Variants in BRINP1 observed in about 807,000 individuals in gnomAD.
BRINP1 encodes the protein BMP/retinoic acid inducible neural specific 1, also known as BMP/retinoic acid-inducible neural-specific protein 1.
A neutral mutation model predicts 72.9 loss-of-function variants in BRINP1; 17 were observed. That is an observed-to-expected ratio of 0.23 (90% CI 0.16 to 0.35). The LOEUF is 0.35. Ranked by LOEUF, BRINP1 falls within the 10% of genes least tolerant of loss-of-function variation. BRINP1 has a pLI of 1.00. For synonymous variants in BRINP1, 418 were observed against 378.5 expected (o/e 1.10, Z -1.21); for missense variants, 850 against 1,001.6 (o/e 0.85, Z 2.04).
intron 2 of BRINP1, among the ~76,000 whole-genome samples, chr9:119,263,168 C>T (rs1445173730): frequency 6.6e-6 from 1 of 152,122 alleles, no homozygotes; most frequent in East Asian, 1.9e-4. Flanking sequence ...GTGAGGTCAG[C>T]CACCCGCATC....
intron 7 of BRINP1, among the ~76,000 whole-genome samples, chr9:119,170,628 G>T (rs1829394349): frequency 6.7e-6 from 1 of 148,188 alleles, no homozygotes. Flanking sequence ...GAAATACAGA[G>T]AATGCCACAA....
At chr9:119,193,711 A>G (rs1829705095) in intron 7 of BRINP1, among the ~76,000 whole-genome samples, 1 of 152,232 alleles carries the variant, frequency 6.6e-6, no homozygotes, top group Non-Finnish European at 1.5e-5. Flanking sequence ...TGCTTGCAAA[A>G]AAATTAATGT....
At chr9:119,242,010 T>C in intron 4 of BRINP1, 37 bp downstream of exon 4, 1 of 1,601,468 alleles carries the variant, frequency 6.2e-7, no homozygotes, top group Non-Finnish European at 8.5e-7. Context: ...GTTGTTGTAT[T>C]GAGAACCTGT....
At chr9:119,179,619 C>T (rs1564210704) in intron 7 of BRINP1, among the ~76,000 whole-genome samples, 2 of 152,190 alleles carry the variant, frequency 1.3e-5, no homozygotes, top group African/African-American at 4.8e-5. Flanking sequence ...ACTTTATCCT[C>T]ACATCAACCC....
intron 7 of BRINP1, among the ~76,000 whole-genome samples, chr9:119,191,726 G>A (rs1294857746): frequency 6.6e-6 from 1 of 151,782 alleles, no homozygotes; most frequent in African/African-American, 2.4e-5. Flanking sequence ...GTATAAAAAT[G>A]TCGATGTCAA....
chr9:119,313,005 A>G, intron 2 of BRINP1, 133 bp downstream of exon 2: 1 of 1,029,986 alleles, frequency 9.7e-7, no homozygotes, highest in Non-Finnish European at 1.4e-6. Context: ...AATTAATCAA[A>G]AACAGCTTGT....
intron 1 of BRINP1, among the ~76,000 whole-genome samples, chr9:119,363,328 C>T (rs755900879): frequency 5.3e-5 from 8 of 152,112 alleles, no homozygotes; most frequent in Non-Finnish European, 1.0e-4. Context: ...TCTCAAACAC[C>T]TGGGCTCAAG....
intron 7 of BRINP1, among the ~76,000 whole-genome samples, chr9:119,181,462 T>G (rs929152126): frequency 3.9e-5 from 6 of 152,204 alleles, no homozygotes; most frequent in Admixed American, 2.0e-4. Flanking sequence ...TCTTTGACCT[T>G]CAGTATTCTT....
At chr9:119,316,135 G>A (rs1431093536) in intron 1 of BRINP1, among the ~76,000 whole-genome samples, 1 of 152,172 alleles carries the variant, frequency 6.6e-6, no homozygotes, top group Non-Finnish European at 1.5e-5. Flanking sequence ...CGCCTAGCCT[G>A]GAGTGCGGTG....
chr9:119,209,497 G>A (rs1829898139), intron 6 of BRINP1, among the ~76,000 whole-genome samples: 1 of 151,858 alleles, frequency 6.6e-6, no homozygotes, highest in African/African-American at 2.4e-5. Flanking sequence ...GAACCCGGGA[G>A]GCAGAGGTCA....
At chr9:119,232,254 C>A (rs988108508) in intron 5 of BRINP1, among the ~76,000 whole-genome samples, 1 of 152,144 alleles carries the variant, frequency 6.6e-6, no homozygotes, top group Non-Finnish European at 1.5e-5. Context: ...CTCTCACCAC[C>A]TTCATTGCAA....
intron 5 of BRINP1, among the ~76,000 whole-genome samples, chr9:119,222,165 G>T (rs368629120): frequency 1.3e-5 from 2 of 152,094 alleles, no homozygotes; most frequent in Non-Finnish European, 2.9e-5. Flanking sequence ...CCAGATAGGG[G>T]CCATCGGAGG....
intron 6 of BRINP1, among the ~76,000 whole-genome samples, chr9:119,211,556 T>C (rs1419157504): frequency 6.6e-6 from 1 of 152,220 alleles, no homozygotes; most frequent in East Asian, 1.9e-4. Flanking sequence ...AGATGTAGAC[T>C]GCCATTTATG....
At position 119,254,680 on chromosome 9, in the gene BRINP1, G is replaced by A. The variant is rs146884454; in HGVS notation, c.219-5530C>T. On this transcript the variant is annotated intron_variant, in intron 2 of 7. Transcript: ENST00000265922. ...TACCTAATCTGATTTACGTTATAAA[G>A]GAAGGGTAGGCAAACATTTTCTATA... 3.3e-3 allele frequency among the ~76,000 whole-genome samples: 506 copies of A among 152,274 alleles called. 2 individuals are homozygous for A. The highest frequency in any genetic ancestry group is 0.011 in the African/African-American group (475 of 41,572).
At chr9:119,267,070 G>A (rs1830555336) in intron 2 of BRINP1, among the ~76,000 whole-genome samples, 1 of 152,200 alleles carries the variant, frequency 6.6e-6, no homozygotes, top group Admixed American at 6.5e-5. Context: ...AGGGCAGTAA[G>A]TAGATACACC....
At chr9:119,209,046 C>T in intron 6 of BRINP1, 105 bp from the exon 7 acceptor site, 1 of 930,794 alleles carries the variant, frequency 1.1e-6, no homozygotes, top group Admixed American at 2.4e-5. Context: ...GGCCTGCAAA[C>T]ATAATTTTTT....
chr9:119,196,636 A>G (rs1474744257), intron 7 of BRINP1, among the ~76,000 whole-genome samples: 5 of 152,186 alleles, frequency 3.3e-5, no homozygotes, highest in East Asian at 3.9e-4. Context: ...CACTTACTAC[A>G]TGCTAGGAAC....
chr9:119,367,219 T>TACATTTATATATATATATATATATATA (rs1219045184), intron 1 of BRINP1, among the ~76,000 whole-genome samples: 1 of 56,512 alleles, frequency 1.8e-5, no homozygotes, highest in African/African-American at 5.7e-5. Flanking sequence ...GTGTGTGTGA[T>TACATTTATATATATATATATATATATA]TGATATATAT....
chr9:119,227,886 T>C (rs1461006759), intron 5 of BRINP1, among the ~76,000 whole-genome samples: 4 of 152,018 alleles, frequency 2.6e-5, no homozygotes, highest in African/African-American at 4.8e-5. Context: ...CCCTAACTCT[T>C]AGTTGGTGGG....
Sources: gnomAD v4.1 joint callset for allele counts (sites outside exome capture counted in the v4.1 genomes callset) on GRCh38, gnomAD v4.1.1 for gene constraint, MANE v1.5 for transcripts, NCBI Gene and HGNC (gene_info 2026-07-23, HGNC 2026-07-21) for gene names.